Variants in PKD1 observed in about 807,000 individuals in gnomAD.
The protein encoded by PKD1 is polycystin 1, transient receptor potential channel interacting, also known as polycystin-1.
In PKD1, 81 loss-of-function variants were observed where a neutral mutation model predicts 361.7. That is an observed-to-expected ratio of 0.22 (90% CI 0.19 to 0.27). PKD1 has a LOEUF of 0.27. Ranked by LOEUF, PKD1 falls within the 10% of genes least tolerant of loss-of-function variation. The pLI, the probability that PKD1 is intolerant of heterozygous loss-of-function variation, is 1.00. For synonymous variants in PKD1, 3,615 were observed against 2,818.3 expected, an observed-to-expected ratio of 1.28 and a Z score of -8.95; for missense variants, 6,399 against 6,118.3, an observed-to-expected ratio of 1.05 and a Z score of -1.53.
chr16:2,092,665 C>A (rs1567155561), intron 38 of PKD1, 73 bp from the exon 39 acceptor site: 3 of 1,101,202 alleles, frequency 2.7e-6, no homozygotes, highest in Non-Finnish European at 4.1e-6. Context: ...CCACCAGAGA[C>A]CCAGGGAACA....
At chr16:2,127,768 C>A (rs995903358) in intron 1 of PKD1, among the ~76,000 whole-genome samples, 13 of 151,278 alleles carry the variant, frequency 8.6e-5, no homozygotes, top group African/African-American at 2.7e-4. Flanking sequence ...GGACCAAGGT[C>A]ACACCAGAGG....
chr16:2,106,304 C>T lies in PKD1; in HGVS notation c.7490G>A (p.Gly2497Asp). The T allele has an allele frequency of 6.2e-7, 1 of 1,609,374 alleles. No homozygotes were observed. The highest frequency in any genetic ancestry group is 1.1e-5 in the South Asian group (1 of 90,952). Residue 2497 changes from glycine (G) to aspartate (D), a missense_variant and splice_region_variant, in exon 19 of 46, where the codon GGC becomes GAC. Physicochemically the swap from Gly to Asp is moderately conservative, Grantham distance 94. Coordinates refer to ENST00000262304, the MANE Select transcript of PKD1 (RefSeq NM_001009944.3). This position sits in a 1 kb window ranked among gnomAD's most constrained non-coding sequence, Gnocchi z 6.5. Reference protein sequence around the residue: ...LTTKVHFECTGWHDAEDAGAP... With the variant: ...LTTKVHFECTDWHDAEDAGAP... Reference sequence around the variant, plus strand: ...GCCAGCATCCTCCGCGTCATGCCAGCCTGAGGGACGGTCCCCACGGCATCA... The same window carrying T: ...GCCAGCATCCTCCGCGTCATGCCAGTCTGAGGGACGGTCCCCACGGCATCA...
In PKD1 at chr16:2,108,763, G is replaced by A. The variant is rs368987928; in HGVS notation, c.6404C>T (p.Ala2135Val). Residue 2135 changes from alanine (A) to valine (V), a missense_variant, in exon 15 of 46, where the codon GCG becomes GTG. By Grantham distance (64) the Ala-to-Val change is moderately conservative. Coordinates refer to ENST00000262304, the MANE Select transcript of PKD1 (RefSeq NM_001009944.3). ...NASNLVSFFVAQATVTVQVLA... is the reference protein window; with the variant it reads ...NASNLVSFFVVQATVTVQVLA... ...CACCTGGACGGTCACCGTGGCCTGC[G>A]CCACGAAGAAGCTCACCAGGTTGGA... is the stretch of plus-strand genomic sequence containing the variant. 34 of 1,570,496 alleles carry A rather than the reference G, an allele frequency of 2.2e-5. No homozygotes were observed. Among genetic ancestry groups the A allele is most frequent in the Admixed American group, 1.6e-4 (9 of 55,412 alleles).
intron 30 of PKD1, 162 bp downstream of exon 30, chr16:2,099,482 G>T (rs2091996855): frequency 1.4e-6 from 1 of 709,872 alleles, no homozygotes; most frequent in South Asian, 1.5e-5. Context: ...CTTTCTCCCT[G>T]GTCAGTCTAG....
rs747040816 is a variant in PKD1 at position 2,094,064 on chromosome 16, G to A, written c.10618+28C>T. 7 of 1,581,658 alleles carry A rather than the reference G, an allele frequency of 4.4e-6. No homozygotes were observed. In the South Asian group the frequency reaches 5.7e-5, roughly 13 times the overall value. ...AGAGGCAGCTCACAGGGAGGGGCTA[G>A]GGGCATCCCGGGGCTACGCAAGCAC... On this transcript the variant is annotated intron_variant, in intron 35 of 45. Transcript: ENST00000262304.
At chr16:2,096,515 AG>A (rs2091854570) in intron 34 of PKD1, among the ~76,000 whole-genome samples, 1 of 151,682 alleles carries the variant, frequency 6.6e-6, no homozygotes, top group South Asian at 2.1e-4. Flanking sequence ...CAAGAAATTG[AG>A]GAATTTTTTT....
chr16:2,107,351 G>A, intron 16 of PKD1: 1 of 373,940 alleles, frequency 2.7e-6, no homozygotes, highest in East Asian at 6.5e-5. Context: ...AGCTGGGATG[G>A]AACCTGCTCC....
rs1567219166 is a variant in PKD1, at chr16:2,118,828, G to A, written c.377C>T (p.Pro126Leu). ...NLSEINLSGN[P>L]FECDCGLAWL... Reference sequence around the variant, plus strand: ...CGCCAGGCCACAGTCACACTCAAACGGGTTCCCACTCAGGTTTCTGCAGGG... The same window carrying A: ...CGCCAGGCCACAGTCACACTCAAACAGGTTCCCACTCAGGTTTCTGCAGGG... The change falls in exon 4 of 46, where the codon CCG (proline) becomes CTG (leucine). Residue 126 changes from proline to leucine, a missense_variant. Pro to Leu is a moderately conservative substitution (Grantham distance 98). Transcript: ENST00000262304. The surrounding 1 kb of genome is among the most constrained non-coding windows in gnomAD (Gnocchi z 6.0). The A allele has an allele frequency of 9.4e-6, 15 of 1,595,160 alleles. No individual in the cohort carries two copies. Among genetic ancestry groups the A allele is most frequent in the Non-Finnish European group, 1.0e-5 (12 of 1,178,572 alleles).
At chr16:2,094,527 C>T (rs1041954556) in intron 34 of PKD1, among the ~76,000 whole-genome samples, 1 of 152,216 alleles carries the variant, frequency 6.6e-6, no homozygotes, top group South Asian at 2.1e-4. Flanking sequence ...AATGAGCCCC[C>T]CTTCAACCCT....
In PKD1 at chr16:2,090,498, G is replaced by A. The variant is rs755676842; in HGVS notation, c.12231C>T (p.Ala4077=). The A allele has an allele frequency of 1.4e-5, 23 of 1,611,460 alleles. No individual in the cohort carries two copies. Among genetic ancestry groups the A allele is most frequent in the Middle Eastern group, 1.7e-4 (1 of 6,060 alleles). The change falls in exon 45 of 46, where the codon GCC becomes GCT. Residue 4077 remains alanine (A), a synonymous_variant. Transcript: ENST00000262304. ...PGTGLSTLCP[A]ESWHLSPLLC... ...GCAGGGGTGACAGGTGCCAGGACTCGGCAGGACACAGGGTAGAGAGCCCAG... is the reference window on the plus strand; with the variant it reads ...GCAGGGGTGACAGGTGCCAGGACTCAGCAGGACACAGGGTAGAGAGCCCAG...
chr16:2,099,453 T>C (rs2091995665), intron 30 of PKD1, 191 bp downstream of exon 30: 2 of 690,658 alleles, frequency 2.9e-6, no homozygotes, highest in East Asian at 2.8e-5. Flanking sequence ...TTCACCATTC[T>C]GGCTTCTGAG....
rs200853000 is a variant in PKD1 at position 2,109,569 on chromosome 16, G to C, written c.5598C>G (p.Leu1866=). The C allele has an allele frequency of 1.2e-6, 2 of 1,611,764 alleles. No homozygotes were observed. The highest frequency in any genetic ancestry group is 1.7e-5 in the Admixed American group (1 of 59,956). The change falls in exon 15 of 46, where the codon CTC becomes CTG. Residue 1866 remains leucine, a synonymous_variant. Coordinates refer to ENST00000262304, the MANE Select transcript of PKD1 (RefSeq NM_001009944.3). ...FPDAGTFSIR[L]NASNAVSWVS... is the part of the protein sequence containing the mutation. ...CCCAGCTGACTGCGTTGGAGGCATT[G>C]AGCCGGATGGAGAAGGTGCCAGCAT...
intron 1 of PKD1, among the ~76,000 whole-genome samples, chr16:2,127,076 G>T (rs1204714799): frequency 6.6e-6 from 1 of 152,092 alleles, no homozygotes; most frequent in Non-Finnish European, 1.5e-5. Context: ...CCGGGAAGGG[G>T]GACGTCGAGG....
intron 11 of PKD1, chr16:2,113,895 G>A (rs1187621918): frequency 1.9e-6 from 1 of 540,454 alleles, no homozygotes; most frequent in African/African-American, 1.9e-5. Context: ...GACTCACGGG[G>A]GCTCGTGTGA....
rs752576038 is a variant in PKD1, at chr16:2,111,627, G to A, written c.3540C>T (p.Thr1180=). 2.5e-6 allele frequency: 4 copies of A among 1,575,326 alleles called. No homozygotes were observed. Among genetic ancestry groups the A allele is most frequent in the East Asian group, 2.3e-5 (1 of 42,952 alleles). Residue 1180 remains threonine (T), a synonymous_variant, in exon 15 of 46, where the codon ACC becomes ACT. Coordinates refer to ENST00000262304, the MANE Select transcript of PKD1 (RefSeq NM_001009944.3). ...LTQSQPAANH[T]YASRGTYHVR... Reference sequence around the variant, plus strand: ...CGTGGTAGGTGCCCCTCGAGGCATAGGTGTGGTTGGCAGCCGGCTGGCTCT... The same window carrying A: ...CGTGGTAGGTGCCCCTCGAGGCATAAGTGTGGTTGGCAGCCGGCTGGCTCT...
chr16:2,129,046 T>G (rs925970308), intron 1 of PKD1, among the ~76,000 whole-genome samples: 1 of 152,020 alleles, frequency 6.6e-6, no homozygotes, highest in East Asian at 1.9e-4. Flanking sequence ...GTATTTTTAG[T>G]AGAACGGGGT....
chr16:2,105,582 G>T (rs903574270), intron 20 of PKD1, 108 bp from the exon 21 acceptor site: 1 of 1,592,204 alleles, frequency 6.3e-7, no homozygotes, highest in African/African-American at 1.3e-5. Flanking sequence ...GACGCTGTGT[G>T]ATGCGGGCAC....
At position 2,097,702 on chromosome 16, in the gene PKD1, G is replaced by A. The variant is rs766135098; in HGVS notation, c.10220+26C>T. 8 of 1,610,780 alleles carry A rather than the reference G, an allele frequency of 5.0e-6. No individual in the cohort carries two copies. The African/African-American group carries it at 6.7e-5, about 13-fold the overall frequency. On this transcript the variant is annotated intron_variant, in intron 32 of 45. Transcript: ENST00000262304. Reference sequence around the variant, plus strand: ...CCCAGACACAGTGACCTGCACCAGGGCTCGAGGTTTCTCTAGGGAACCCAC... The same window carrying A: ...CCCAGACACAGTGACCTGCACCAGGACTCGAGGTTTCTCTAGGGAACCCAC...
intron 30 of PKD1, chr16:2,099,204 C>T (rs1194672694): frequency 2.2e-4 from 77 of 346,868 alleles, no homozygotes; most frequent in African/African-American, 1.1e-3. Flanking sequence ...GACTCAGATC[C>T]GCCCACCTCG....
Sources: gnomAD v4.1 joint callset for allele counts (sites outside exome capture counted in the v4.1 genomes callset) on GRCh38, gnomAD v4.1.1 for gene constraint, Gnocchi (gnomAD v3.1) non-coding constraint, MANE v1.5 for transcripts, NCBI Gene and HGNC (gene_info 2026-07-23, HGNC 2026-07-21) for gene names.